DSCAM: variants seen among roughly 807,000 people sequenced by gnomAD.
DSCAM encodes cell adhesion molecule DSCAM.
In DSCAM, 47 loss-of-function variants were observed where a neutral mutation model predicts 217.7. The observed-to-expected ratio is 0.22, with a 90% CI of 0.17 to 0.28. The LOEUF (loss-of-function observed/expected upper bound fraction) is 0.28. Ranked by LOEUF, DSCAM falls within the 10% of genes least tolerant of loss-of-function variation. The pLI is 1.00. For missense variants in DSCAM, 2,080 were observed against 2,618.3 expected (o/e 0.79, Z 4.49); for synonymous variants, 1,056 against 1,015.3 (o/e 1.04, Z -0.76).
chr21:40,237,688 T>C (rs1485899660), intron 11 of DSCAM, among the ~76,000 whole-genome samples: 2 of 152,230 alleles, frequency 1.3e-5, no homozygotes, highest in Middle Eastern at 6.3e-3. Flanking sequence ...TGTGCATGTG[T>C]CTTTATAGTA....
intron 11 of DSCAM, among the ~76,000 whole-genome samples, chr21:40,266,795 TATATACAC>T (rs1401697005): frequency 7.3e-6 from 1 of 137,398 alleles, no homozygotes; most frequent in Non-Finnish European, 1.5e-5. Flanking sequence ...TATATATATA[TATATACAC>T]ACACACACAC....
chr21:40,293,756 C>A (rs575183578), intron 10 of DSCAM, among the ~76,000 whole-genome samples: 60 of 151,840 alleles, frequency 4.0e-4, no homozygotes, highest in African/African-American at 1.3e-3. Context: ...ACCCAGGAGG[C>A]GGAGGTTGCA....
intron 15 of DSCAM, among the ~76,000 whole-genome samples, chr21:40,178,193 A>ACC (rs140658157): frequency 5.3e-5 from 8 of 150,684 alleles, no homozygotes; most frequent in South Asian, 4.2e-4. Flanking sequence ...TGTTAATTTC[A>ACC]CCCCCCCGGA....
At chr21:40,651,373 A>G (rs1454510331) in intron 3 of DSCAM, among the ~76,000 whole-genome samples, 1 of 152,238 alleles carries the variant, frequency 6.6e-6, no homozygotes, top group African/African-American at 2.4e-5. Context: ...TGAGCCATCT[A>G]CATGGTTCAA....
chr21:40,397,364 C>T (rs2075188774), intron 3 of DSCAM, among the ~76,000 whole-genome samples: 4 of 151,974 alleles, frequency 2.6e-5, no homozygotes, highest in Non-Finnish European at 2.9e-5. Context: ...GAGATCTTGT[C>T]ATTTAAAAGT....
At chr21:40,518,775 A>T (rs1292387820) in intron 3 of DSCAM, among the ~76,000 whole-genome samples, 2 of 150,636 alleles carry the variant, frequency 1.3e-5, no homozygotes, top group Non-Finnish European at 2.9e-5. Context: ...CCATCATGAT[A>T]CAACTGTGCA....
intron 16 of DSCAM, among the ~76,000 whole-genome samples, chr21:40,162,930 AT>A (rs2090555092): frequency 6.6e-6 from 1 of 152,244 alleles, no homozygotes; most frequent in African/African-American, 2.4e-5. Context: ...TAATGCAAAA[AT>A]AAAACAACAA....
chr21:40,592,148 A>G (rs919372259), intron 3 of DSCAM, among the ~76,000 whole-genome samples: 1 of 152,130 alleles, frequency 6.6e-6, no homozygotes, highest in Non-Finnish European at 1.5e-5. Flanking sequence ...GCTAAGTACA[A>G]TTTTGTTTTC....
chr21:40,573,704 G>C (rs2076826698), intron 3 of DSCAM, among the ~76,000 whole-genome samples: 1 of 152,028 alleles, frequency 6.6e-6, no homozygotes, highest in Non-Finnish European at 1.5e-5. Flanking sequence ...TTAACAATGT[G>C]AGAAATTTGT....
intron 3 of DSCAM, among the ~76,000 whole-genome samples, chr21:40,662,571 T>C (rs2090150152): frequency 6.6e-6 from 1 of 152,210 alleles, no homozygotes; most frequent in African/African-American, 2.4e-5. Flanking sequence ...TTAGCTCTCT[T>C]TGAAGGCAAT....
At chr21:40,539,064 G>T (rs906009507) in intron 3 of DSCAM, among the ~76,000 whole-genome samples, 1 of 152,156 alleles carries the variant, frequency 6.6e-6, no homozygotes, top group Admixed American at 6.5e-5. Flanking sequence ...CCACAGCCCA[G>T]TGATTACTTA....
At chr21:40,418,906 T>C (rs13046329) in intron 3 of DSCAM, among the ~76,000 whole-genome samples, 13,655 of 152,142 alleles carry the variant, frequency 0.09, 705 homozygotes, top group Non-Finnish European at 0.13. Flanking sequence ...GACATGAATA[T>C]TCAACCTATT....
chr21:40,282,482 T>C (rs1228365705), intron 10 of DSCAM, among the ~76,000 whole-genome samples: 1 of 148,116 alleles, frequency 6.8e-6, no homozygotes, highest in African/African-American at 2.5e-5. Context: ...TCCCAGCTAC[T>C]AGGGAGGCTG....
At chr21:40,612,854 CCT>C (rs1051837706) in intron 3 of DSCAM, among the ~76,000 whole-genome samples, 5 of 152,120 alleles carry the variant, frequency 3.3e-5, no homozygotes, top group African/African-American at 1.2e-4. Flanking sequence ...GAAAACCCTC[CCT>C]GTCTTGGTAG....
At chr21:40,504,787 AT>A (rs2076197324) in intron 3 of DSCAM, among the ~76,000 whole-genome samples, 2 of 152,214 alleles carry the variant, frequency 1.3e-5, no homozygotes, top group East Asian at 3.9e-4. Flanking sequence ...CATTTTATTT[AT>A]TTTCTCAGTA....
intron 1 of DSCAM, among the ~76,000 whole-genome samples, chr21:40,732,115 C>A (rs1478565440): frequency 2.0e-5 from 3 of 152,130 alleles, no homozygotes; most frequent in African/African-American, 4.8e-5. Flanking sequence ...TTGGGGGATA[C>A]CATTCAACCC....
rs369023791 is a variant in DSCAM, at chr21:40,022,525, G to A, written c.5687-9139C>T. Among the ~76,000 whole-genome samples the A allele has an allele frequency of 6.6e-5, 10 of 152,148 alleles. No individual in the cohort carries two copies. The East Asian group carries it at 1.3e-3, about 21-fold the overall frequency. On this transcript the variant is annotated intron_variant, in intron 32 of 32. Transcript: ENST00000400454. ...AGAATACTAGTCCACAAGGAGTTAC[G>A]ACCTCAGTTCTTCATGGAAGAAAAT...
In DSCAM at chr21:40,708,482, A is replaced by C; in HGVS notation, c.333T>G (p.Ile111Met). 2.6e-6 allele frequency: 4 copies of C among 1,509,860 alleles called. No individual in the cohort carries two copies. The highest frequency in any genetic ancestry group is 2.7e-6 in the Non-Finnish European group (3 of 1,124,832). 93.5% of individuals were successfully genotyped at this position (1,509,860 alleles called of 1,614,324 possible). The change falls in exon 2 of 33, where the codon ATT becomes ATG. Residue 111 changes from isoleucine to methionine, a missense_variant. By Grantham distance (10) the Ile-to-Met change is conservative. Transcript: ENST00000400454. ...CCTTGATGTGGACATCCTGACTTCT[A>C]ATTTTCCCTGAAGGATTTTCAGCTG... Reference protein sequence around the residue: ...YCTAENPSGKIRSQDVHIKAV... With the variant: ...YCTAENPSGKMRSQDVHIKAV...
intron 6 of DSCAM, among the ~76,000 whole-genome samples, chr21:40,347,465 T>G (rs1187797920): frequency 6.6e-6 from 1 of 152,224 alleles, no homozygotes; most frequent in Non-Finnish European, 1.5e-5. Context: ...TTTACATTAC[T>G]TCTAATATGA....
Sources: allele counts gnomAD v4.1 joint callset (sites outside exome capture counted in the v4.1 genomes callset), GRCh38; gene constraint gnomAD v4.1.1; transcripts MANE v1.5; gene names NCBI Gene and HGNC (gene_info 2026-07-23, HGNC 2026-07-21).